The following ACTR10 variants were observed in gnomAD, a reference collection of about 807,000 sequenced individuals.
ACTR10 encodes the protein actin related protein 10, also known as actin-related protein 10.
A neutral mutation model predicts 56.2 loss-of-function variants in ACTR10; 43 were observed. The ratio of observed to expected loss-of-function variants is 0.77; its 90% CI spans 0.60 to 0.99. The LOEUF is 0.99. Among genes scored for constraint, ACTR10 ranks in the 50% least tolerant of loss-of-function variants. The pLI is 0.00. For missense variants in ACTR10, 466 were observed against 507.8 expected (o/e 0.92, Z 0.79); for synonymous variants, 170 against 176.3 (o/e 0.96, Z 0.28).
Position 58,209,272 on chromosome 14 carries a change from A to G in ACTR10, c.342+165A>G, listed in dbSNP as rs1888940284. On this transcript the variant is annotated intron_variant, in intron 4 of 12. Coordinates refer to ENST00000254286, the MANE Select transcript of ACTR10 (RefSeq NM_018477.3). ...TATTTTGTCTCATATTGTGTATGGC[A>G]CACAGTGTAGTTGGGGAACCAGATG... 2.3e-5 allele frequency: 10 copies of G among 435,914 alleles called. No homozygotes were observed. The South Asian group carries it at 3.5e-4, about 15-fold the overall frequency. The allele number at this position is 435,914 out of a possible 1,614,324, so 27.0% of individuals were successfully genotyped here. A position where few individuals can be genotyped will look rare whatever the true frequency, so the allele number is the denominator to read the frequency against.
At chr14:58,213,886 TG>T (rs888113627) in intron 6 of ACTR10, among the ~76,000 whole-genome samples, 188 bp downstream of exon 6, 12 of 152,332 alleles carry the variant, frequency 7.9e-5, no homozygotes, top group African/African-American at 2.6e-4. Context: ...TTTTAATTTT[TG>T]GGGGTACATA....
intron 8 of ACTR10, 32 bp downstream of exon 8, chr14:58,219,761 TC>T: frequency 6.9e-7 from 1 of 1,447,160 alleles, no homozygotes; most frequent in Non-Finnish European, 9.3e-7. Flanking sequence ...GTCCCTTTCA[TC>T]CTTAAGTGTT....
chr14:58,211,338 C>A lies in ACTR10; in HGVS notation c.389C>A (p.Thr130Lys). 6.2e-7 allele frequency: 1 copy of A among 1,613,748 alleles called. No individual in the cohort carries two copies. The highest frequency in any genetic ancestry group is 8.5e-7 in the Non-Finnish European group (1 of 1,179,814). Reference sequence around the variant, plus strand: ...CCAAGTCATCTAATGGCTCTTCTGACGCTTGGAATTAATTCTGCCATGGTC... The same window carrying A: ...CCAAGTCATCTAATGGCTCTTCTGAAGCTTGGAATTAATTCTGCCATGGTC... ...LAPSHLMALL[T>K]LGINSAMVLD... is the part of the protein sequence containing the mutation. The change falls in exon 5 of 13, where the codon ACG becomes AAG. Residue 130 changes from threonine to lysine, a missense_variant. By Grantham distance (78) the Thr-to-Lys change is moderately conservative (BLOSUM62 -1). Coordinates refer to ENST00000254286, the MANE Select transcript of ACTR10 (RefSeq NM_018477.3).
At chr14:58,208,629 G>A (rs1191311433) in intron 3 of ACTR10, among the ~76,000 whole-genome samples, 3 of 151,918 alleles carry the variant, frequency 2.0e-5, no homozygotes, top group Non-Finnish European at 4.4e-5. Context: ...TGAGATCAGG[G>A]GATGGCTTGA....
chr14:58,233,604 T>G (rs1889597344), intron 12 of ACTR10, among the ~76,000 whole-genome samples: 1 of 152,224 alleles, frequency 6.6e-6, no homozygotes. Flanking sequence ...AGTTAAGTTT[T>G]CGGGGAGTCA....
At chr14:58,221,596 T>C (rs1325556468) in intron 8 of ACTR10, among the ~76,000 whole-genome samples, 2 of 151,820 alleles carry the variant, frequency 1.3e-5, no homozygotes, top group Non-Finnish European at 1.5e-5. Context: ...CAAAACTGTC[T>C]CAAAAGAAAA....
intron 10 of ACTR10, among the ~76,000 whole-genome samples, chr14:58,224,835 C>T (rs1889361189): frequency 6.6e-6 from 1 of 151,902 alleles, no homozygotes; most frequent in African/African-American, 2.4e-5. Context: ...ACTAAAAATA[C>T]AAAATTAGCC....
At chr14:58,205,438 C>T (rs1451125361) in intron 2 of ACTR10, among the ~76,000 whole-genome samples, 1 of 151,058 alleles carries the variant, frequency 6.6e-6, no homozygotes, top group African/African-American at 2.4e-5. Context: ...CCTCAGCCTC[C>T]CGAGTAGCTG....
chr14:58,213,653 T>C lies in ACTR10; in HGVS notation c.473T>C (p.Leu158Pro), dbSNP rs760517306. 34 of 1,612,310 alleles carry C rather than the reference T, an allele frequency of 2.1e-5. No homozygotes were observed. The highest frequency in any genetic ancestry group is 2.8e-5 in the Non-Finnish European group (33 of 1,178,894). Residue 158 changes from leucine to proline, a missense_variant, in exon 6 of 13, where the codon CTA becomes CCA. Physicochemically the swap from Leu to Pro is moderately conservative, Grantham distance 98. Transcript: ENST00000254286. ...VLPIYEGIPV[L>P]NCWGALPLGG... is the part of the protein sequence containing the mutation. ...TAGATATATGAAGGAATCCCAGTTCTAAATTGTTGGGGAGCACTACCCCTA... is the reference window on the plus strand; with the variant it reads ...TAGATATATGAAGGAATCCCAGTTCCAAATTGTTGGGGAGCACTACCCCTA...
chr14:58,200,981 G>A (rs1452009442), intron 1 of ACTR10, among the ~76,000 whole-genome samples: 1 of 152,222 alleles, frequency 6.6e-6, no homozygotes, highest in Non-Finnish European at 1.5e-5. Flanking sequence ...CACAGTTTCA[G>A]GGAATTGGCA....
intron 10 of ACTR10, among the ~76,000 whole-genome samples, chr14:58,228,602 G>GA (rs75001836): frequency 2.6e-4 from 32 of 125,010 alleles, no homozygotes; most frequent in South Asian, 5.3e-4. Flanking sequence ...TCTCAAAAGG[G>GA]AAAAAAAAAA....
At chr14:58,224,697 C>G (rs552345756) in intron 10 of ACTR10, among the ~76,000 whole-genome samples, 1 of 152,194 alleles carries the variant, frequency 6.6e-6, no homozygotes, top group South Asian at 2.1e-4. Flanking sequence ...CAGTAAAGGA[C>G]CAGACAGTAA....
At chr14:58,200,762 G>T (rs1323732386) in intron 1 of ACTR10, among the ~76,000 whole-genome samples, 2 of 152,210 alleles carry the variant, frequency 1.3e-5, no homozygotes, top group Non-Finnish European at 2.9e-5. Context: ...CAAGAATTAG[G>T]GAGACTGGGC....
At chr14:58,233,551 C>G (rs1220583904) in intron 12 of ACTR10, among the ~76,000 whole-genome samples, 1 of 152,112 alleles carries the variant, frequency 6.6e-6, no homozygotes, top group East Asian at 1.9e-4. Context: ...ATCGACTATT[C>G]ATGTTATTGG....
intron 2 of ACTR10, 38 bp from the exon 3 acceptor site, chr14:58,207,898 A>G: frequency 8.5e-7 from 1 of 1,182,134 alleles, no homozygotes. Context: ...AGGTTATTTT[A>G]TTAATATAAA....
At chr14:58,219,987 T>A (rs1021039661) in intron 8 of ACTR10, among the ~76,000 whole-genome samples, 2 of 152,174 alleles carry the variant, frequency 1.3e-5, no homozygotes, top group Non-Finnish European at 2.9e-5. Flanking sequence ...AGGGAACTAG[T>A]ATTTTGCAGT....
At chr14:58,200,641 G>A (rs1340520778) in intron 1 of ACTR10, among the ~76,000 whole-genome samples, 1 of 152,210 alleles carries the variant, frequency 6.6e-6, no homozygotes, top group African/African-American at 2.4e-5. Context: ...AGTTGAGGAA[G>A]GCAGCCAACC....
intron 8 of ACTR10, among the ~76,000 whole-genome samples, chr14:58,220,193 T>G (rs1304980303): frequency 6.6e-6 from 1 of 152,206 alleles, no homozygotes; most frequent in East Asian, 1.9e-4. Flanking sequence ...AAAGTTCAAA[T>G]TGGGTTTTCT....
intron 10 of ACTR10, among the ~76,000 whole-genome samples, chr14:58,226,041 T>C (rs894314486): frequency 6.6e-6 from 1 of 151,734 alleles, no homozygotes; most frequent in African/African-American, 2.4e-5. Context: ...CCCAGCACTT[T>C]GGGAGGTGGA....
Sources: allele counts gnomAD v4.1 joint callset (sites outside exome capture counted in the v4.1 genomes callset), GRCh38; gene constraint gnomAD v4.1.1; transcripts MANE v1.5; gene names NCBI Gene and HGNC (gene_info 2026-07-23, HGNC 2026-07-21).